The following SH3RF2 variants were observed in gnomAD, a reference collection of about 807,000 sequenced individuals.
The protein encoded by SH3RF2 is E3 ubiquitin-protein ligase SH3RF2.
Under a neutral mutation model 59.0 loss-of-function variants are expected in SH3RF2, and 43 were observed. That is an observed-to-expected ratio of 0.73 (90% CI 0.57 to 0.94). The LOEUF (loss-of-function observed/expected upper bound fraction) is 0.94. Ranked by LOEUF, SH3RF2 falls within the 40% of genes least tolerant of loss-of-function variation. The probability of loss-of-function intolerance (pLI) is 0.00; values close to 1 mark genes in which losing one functional copy is unlikely to be tolerated. For missense variants in SH3RF2, 930 were observed against 940.1 expected (o/e 0.99, Z 0.14); for synonymous variants, 391 against 391.5 (o/e 1.00, Z 0.01).
chr5:146,032,449 G>A (rs1426716864), intron 5 of SH3RF2, among the ~76,000 whole-genome samples: 1 of 152,126 alleles, frequency 6.6e-6, no homozygotes, highest in East Asian at 1.9e-4. Flanking sequence ...GGATCCTAAA[G>A]CCAGGGGAAG....
intron 2 of SH3RF2, among the ~76,000 whole-genome samples, chr5:145,958,551 G>A (rs1411377596): frequency 2.0e-5 from 3 of 152,090 alleles, no homozygotes; most frequent in Non-Finnish European, 4.4e-5. Context: ...AAATGCCTCC[G>A]TATAAGGAAT....
At chr5:146,070,200 A>G (rs1386735582) in intron 9 of SH3RF2, among the ~76,000 whole-genome samples, 1 of 152,192 alleles carries the variant, frequency 6.6e-6, no homozygotes, top group Non-Finnish European at 1.5e-5. Flanking sequence ...ACTAGAACCC[A>G]GGACTCTAAG....
chr5:145,964,220 CCTTCTTT>C (rs1251749288), intron 2 of SH3RF2, among the ~76,000 whole-genome samples: 2 of 150,412 alleles, frequency 1.3e-5, no homozygotes, highest in Admixed American at 6.6e-5. Flanking sequence ...TTCCTCCCTT[CCTTCTTT>C]CTTTTCTTTC....
In SH3RF2 at chr5:146,059,945, C is replaced by G; in HGVS notation, c.1635C>G (p.Val545=). The G allele has an allele frequency of 1.3e-6, 2 of 1,537,390 alleles. No homozygotes were observed. Among genetic ancestry groups the G allele is most frequent in the Non-Finnish European group, 1.8e-6 (2 of 1,142,512 alleles). Residue 545 remains valine, a synonymous_variant, in exon 9 of 10, where the codon GTC becomes GTG. Coordinates refer to ENST00000359120, the MANE Select transcript of SH3RF2 (RefSeq NM_152550.4). Reference sequence around the variant, plus strand: ...CCCTCAGACGCAGCCCCACCATGGTCCTTCGGCCTCAGCAGTTCCAATTCT... The same window carrying G: ...CCCTCAGACGCAGCCCCACCATGGTGCTTCGGCCTCAGCAGTTCCAATTCT... ...VGSLRRSPTM[V]LRPQQFQFYQ...
chr5:146,006,912 C>T (rs1031588053), intron 4 of SH3RF2, among the ~76,000 whole-genome samples: 7 of 152,108 alleles, frequency 4.6e-5, no homozygotes, highest in Non-Finnish European at 1.0e-4. Flanking sequence ...TGTGGGCTTC[C>T]TAGTTTCCAC....
intron 2 of SH3RF2, among the ~76,000 whole-genome samples, chr5:145,987,731 A>T (rs1451883088): frequency 8.0e-6 from 1 of 125,506 alleles, no homozygotes; most frequent in Non-Finnish European, 1.5e-5. Context: ...TCGGCACTCA[A>T]AAAAATATTT....
intron 5 of SH3RF2, among the ~76,000 whole-genome samples, chr5:146,017,837 C>T (rs1190732327): frequency 6.6e-6 from 1 of 152,124 alleles, no homozygotes; most frequent in East Asian, 1.9e-4. Flanking sequence ...CCAATCCCTC[C>T]CAACCCCATC....
At chr5:145,962,191 T>C (rs1284909058) in intron 2 of SH3RF2, among the ~76,000 whole-genome samples, 2 of 152,176 alleles carry the variant, frequency 1.3e-5, no homozygotes, top group African/African-American at 4.8e-5. Flanking sequence ...ACCTCGGTCA[T>C]GTGGCCACCC....
chr5:146,079,932 A>C (rs539105707), exon 10 of SH3RF2: 1 of 152,272 alleles, frequency 6.6e-6, no homozygotes, highest in East Asian at 1.9e-4. Flanking sequence ...CTTACAATTG[A>C]GCAATAGGAA....
rs910613981 is a variant in SH3RF2 at position 146,055,778 on chromosome 5, TCA to T, written c.1323-200_1323-199del. On this transcript the variant is annotated intron_variant, in intron 7 of 9. Coordinates refer to ENST00000359120, the MANE Select transcript of SH3RF2 (RefSeq NM_152550.4). ...CCCCCTTCCTTCCCTCAGCACACCC[TCA>T]CAGTTATCCGGGTGTAGGGAGGTGG... The T allele has an allele frequency of 1.5e-5, 9 of 608,454 alleles. No homozygotes were observed. In the Admixed American group the frequency reaches 2.7e-4, roughly 18 times the overall value. 37.7% of individuals were successfully genotyped at this position (608,454 alleles called of 1,614,324 possible).
chr5:145,963,036 T>C (rs1382366966), intron 2 of SH3RF2, among the ~76,000 whole-genome samples: 1 of 151,806 alleles, frequency 6.6e-6, no homozygotes, highest in Non-Finnish European at 1.5e-5. Flanking sequence ...TAGCTGGGAC[T>C]ACATGCAGCT....
chr5:146,029,922 C>T (rs1409308197), intron 5 of SH3RF2, among the ~76,000 whole-genome samples: 1 of 152,200 alleles, frequency 6.6e-6, no homozygotes, highest in South Asian at 2.1e-4. Context: ...TTCTCCCTCT[C>T]TTCCCATCCC....
chr5:146,022,784 A>T (rs1391226017), intron 5 of SH3RF2, among the ~76,000 whole-genome samples: 1 of 151,712 alleles, frequency 6.6e-6, no homozygotes, highest in Non-Finnish European at 1.5e-5. Context: ...GAGGCAGGAG[A>T]ATGGCTTGAA....
intron 5 of SH3RF2, among the ~76,000 whole-genome samples, chr5:146,028,434 CACAG>C (rs1403615679): frequency 6.6e-6 from 1 of 152,172 alleles, no homozygotes; most frequent in African/African-American, 2.4e-5. Context: ...GCGTCTTCCA[CACAG>C]ACCTGTTAGG....
At chr5:146,012,513 G>A (rs1448310382) in intron 4 of SH3RF2, among the ~76,000 whole-genome samples, 1 of 152,070 alleles carries the variant, frequency 6.6e-6, no homozygotes, top group Non-Finnish European at 1.5e-5. Flanking sequence ...TTGGTTGGTA[G>A]GCTATTAATT....
chr5:146,073,577 C>T (rs1257321951), intron 9 of SH3RF2, among the ~76,000 whole-genome samples: 1 of 152,232 alleles, frequency 6.6e-6, no homozygotes, highest in Non-Finnish European at 1.5e-5. Flanking sequence ...CAGGCAAGTG[C>T]TGCTCCCACT....
At chr5:146,013,583 C>T (rs377285239) in intron 4 of SH3RF2, among the ~76,000 whole-genome samples, 164 bp from the exon 5 acceptor site, 3 of 152,074 alleles carry the variant, frequency 2.0e-5, no homozygotes, top group African/African-American at 7.2e-5. Flanking sequence ...GAGGATGCAT[C>T]GATAAAAGAT....
intron 5 of SH3RF2, among the ~76,000 whole-genome samples, chr5:146,039,282 T>C (rs1456365891): frequency 6.6e-6 from 1 of 152,142 alleles, no homozygotes; most frequent in African/African-American, 2.4e-5. Context: ...ATAGGAAATA[T>C]ATTGTGAATT....
At chr5:145,980,085 A>G (rs2149968409) in intron 2 of SH3RF2, among the ~76,000 whole-genome samples, 1 of 152,350 alleles carries the variant, frequency 6.6e-6, no homozygotes, top group East Asian at 1.9e-4. Flanking sequence ...CTTTGGAAGT[A>G]GGGATGAACA....
Sources: allele counts gnomAD v4.1 joint callset (sites outside exome capture counted in the v4.1 genomes callset), GRCh38; gene constraint gnomAD v4.1.1; transcripts MANE v1.5; gene names NCBI Gene and HGNC (gene_info 2026-07-23, HGNC 2026-07-21).